Variants in DYNC2I2 observed in about 807,000 individuals in gnomAD.
DYNC2I2 encodes cytoplasmic dynein 2 intermediate chain 2.
In DYNC2I2, 39 loss-of-function variants were observed where a neutral mutation model predicts 52.0. The observed-to-expected ratio is 0.75, with a 90% CI of 0.58 to 0.98. The LOEUF is 0.98. DYNC2I2 is among the 50% of genes least tolerant of loss of function. The pLI is 0.00. For missense variants in DYNC2I2, 743 were observed against 728.4 expected (o/e 1.02, Z -0.23); for synonymous variants, 359 against 321.1 (o/e 1.12, Z -1.26).
chr9:128,638,250 G>T (rs183565995), intron 2 of DYNC2I2, among the ~76,000 whole-genome samples: 1,553 of 151,392 alleles, frequency 0.01, 27 homozygotes, highest in African/African-American at 0.034. Context: ...CAGGCCTGGT[G>T]GCTCATGCCT....
chr9:128,682,165 C>T, the DYNC2I2 span, among the ~76,000 whole-genome samples: 1 of 151,842 alleles, frequency 6.6e-6, no homozygotes, highest in African/African-American at 2.4e-5. Context: ...TCTCCTGCCT[C>T]AGCCTCCCGA....
At chr9:128,639,654 T>G (rs78489906) in intron 2 of DYNC2I2, among the ~76,000 whole-genome samples, 25,628 of 151,224 alleles carry the variant, frequency 0.17, 2,653 homozygotes, top group East Asian at 0.4. Context: ...CCTCATACAG[T>G]TTTTTTTTGT....
chr9:128,659,948 T>C (rs980451273), upstream of DYNC2I2, among the ~76,000 whole-genome samples: 10 of 150,974 alleles, frequency 6.6e-5, no homozygotes, highest in African/African-American at 2.4e-4. Context: ...CATGCATCTA[T>C]GGCCCAGTTA....
At chr9:128,667,204 AAATAAT>A in the DYNC2I2 span, among the ~76,000 whole-genome samples, 1 of 152,032 alleles carries the variant, frequency 6.6e-6, no homozygotes, top group Non-Finnish European at 1.5e-5. Context: ...ATCTCAAAAA[AAATAAT>A]AATAATAATT....
At chr9:128,642,684 G>A (rs1860540755) in intron 1 of DYNC2I2, among the ~76,000 whole-genome samples, 1 of 152,032 alleles carries the variant, frequency 6.6e-6, no homozygotes, top group African/African-American at 2.4e-5. Flanking sequence ...GAACCTGGGA[G>A]GCAGAGCTTA....
chr9:128,679,974 G>A, the DYNC2I2 span, among the ~76,000 whole-genome samples: 4 of 152,110 alleles, frequency 2.6e-5, no homozygotes, highest in Non-Finnish European at 5.9e-5. Flanking sequence ...GTCCCCTAAT[G>A]TCTCTTCCAC....
upstream of DYNC2I2, among the ~76,000 whole-genome samples, chr9:128,658,618 C>T (rs894953279): frequency 2.0e-5 from 3 of 151,738 alleles, no homozygotes; most frequent in Non-Finnish European, 2.9e-5. Context: ...ACCGCCACCA[C>T]GCCTGGCCAA....
chr9:128,680,713 C>T, the DYNC2I2 span, among the ~76,000 whole-genome samples: 2 of 151,508 alleles, frequency 1.3e-5, no homozygotes, highest in Non-Finnish European at 2.9e-5. Flanking sequence ...CTCACTCCGT[C>T]GCCCAGTCTG....
At position 128,636,356 on chromosome 9, in the gene DYNC2I2, G is replaced by A. The variant is rs1472409885; in HGVS notation, c.628C>T (p.Pro210Ser). The A allele has an allele frequency of 2.5e-6, 4 of 1,608,640 alleles. No homozygotes were observed. Among genetic ancestry groups the A allele is most frequent in the South Asian group, 1.1e-5 (1 of 90,118 alleles). ...LDRRDLRPQQPSAVVEVPSAV... is the reference protein window; with the variant it reads ...LDRRDLRPQQSSAVVEVPSAV... ...CTGGGGACCTCCACCACGGCCGACG[G>A]CTGCTGGGGACGCAGGTCTCGCCGG... The change falls in exon 4 of 9, where the codon CCG (proline) becomes TCG (serine). Residue 210 changes from proline to serine, a missense_variant. Pro to Ser is a moderately conservative substitution (Grantham distance 74, BLOSUM62 -1). Coordinates refer to ENST00000372715, the MANE Select transcript of DYNC2I2 (RefSeq NM_052844.4).
In DYNC2I2 at chr9:128,636,430, T is replaced by A. The variant is rs544202763; in HGVS notation, c.554A>T (p.His185Leu). ...GGACTTAAGCGTGCTCCAGTCCCCA[T>A]GGTCCAGCCTGTGCAGGGACAGGCT... ...VVACAYGRLDHGDWSTLKSFV... is the reference protein window; with the variant it reads ...VVACAYGRLDLGDWSTLKSFV... The change falls in exon 4 of 9, where the codon CAT (histidine) becomes CTT (leucine). Residue 185 changes from histidine to leucine, a missense_variant. By Grantham distance (99) the His-to-Leu change is moderately conservative (BLOSUM62 -3). Transcript: ENST00000372715. The A allele has an allele frequency of 3.1e-6, 5 of 1,603,886 alleles. No individual in the cohort carries two copies. Among genetic ancestry groups the A allele is most frequent in the Non-Finnish European group, 3.4e-6 (4 of 1,177,666 alleles).
chr9:128,635,664 C>T lies in DYNC2I2; in HGVS notation c.807G>A (p.Val269=), dbSNP rs753482622. 1 of 1,606,540 alleles carries T rather than the reference C, an allele frequency of 6.2e-7. No individual in the cohort carries two copies. Among genetic ancestry groups the T allele is most frequent in the African/African-American group, 1.3e-5 (1 of 74,878 alleles). ...CGGCAGCCCCTGCCCTGACCTGGGA[C>T]ACAGGGTCTGTGTGGGTGTCATCCG... The part of the protein sequence containing the change: ...GLTDDTHTDP[V]SQVVWLPEPG... Residue 269 remains valine, a synonymous_variant, in exon 5 of 9, where the codon GTG becomes GTA. Coordinates refer to ENST00000372715, the MANE Select transcript of DYNC2I2 (RefSeq NM_052844.4).
rs920736275 is a variant in DYNC2I2 at position 128,634,569 on chromosome 9, G to A, written c.1214+120C>T. On this transcript the variant is annotated intron_variant, in intron 7 of 8. Transcript: ENST00000372715. Reference sequence around the variant, plus strand: ...GGCCAACCACCAAAGACCTGAACACGGGTCTCAGAGTGGGCAGAAGGCAAG... The same window carrying A: ...GGCCAACCACCAAAGACCTGAACACAGGTCTCAGAGTGGGCAGAAGGCAAG... 1.4e-5 allele frequency: 18 copies of A among 1,282,434 alleles called. No homozygotes were observed. The East Asian group carries it at 2.3e-4, about 17-fold the overall frequency. The allele number at this position is 1,282,434 out of a possible 1,614,324, so 79.4% of individuals were successfully genotyped here.
chr9:128,677,389 A>C, the DYNC2I2 span, among the ~76,000 whole-genome samples: 1 of 152,044 alleles, frequency 6.6e-6, no homozygotes, highest in Non-Finnish European at 1.5e-5. Flanking sequence ...GGAGGCTGAG[A>C]CATGAGAATT....
chr9:128,649,434 C>A (rs1212434318), intron 1 of DYNC2I2, among the ~76,000 whole-genome samples: 1 of 151,834 alleles, frequency 6.6e-6, no homozygotes, highest in Non-Finnish European at 1.5e-5. Flanking sequence ...CAGAACCAGA[C>A]CACCAGCACT....
At chr9:128,644,864 A>G (rs942741891) in intron 1 of DYNC2I2, among the ~76,000 whole-genome samples, 2 of 152,206 alleles carry the variant, frequency 1.3e-5, no homozygotes, top group African/African-American at 4.8e-5. Context: ...TATATCTGCT[A>G]CACTGATTTG....
intron 3 of DYNC2I2, among the ~76,000 whole-genome samples, chr9:128,636,682 C>T (rs1054838978): frequency 6.6e-6 from 1 of 152,140 alleles, no homozygotes; most frequent in African/African-American, 2.4e-5. Flanking sequence ...GCTGGTGGGG[C>T]GGGCGAGGCA....
chr9:128,660,928 C>G (rs968303189), upstream of DYNC2I2, among the ~76,000 whole-genome samples: 1 of 150,956 alleles, frequency 6.6e-6, no homozygotes, highest in Non-Finnish European at 1.5e-5. Flanking sequence ...CGGGGTTTCA[C>G]CATATTGGCC....
Position 128,633,825 on chromosome 9 carries a change from C to T in DYNC2I2, c.1530G>A (p.Trp510Ter), listed in dbSNP as rs1345945256. Residue 510 changes from tryptophan (W) to a stop codon, truncating the protein, a stop_gained, in exon 9 of 9, where the codon TGG becomes TGA. Transcript: ENST00000372715. LOFTEE classifies it high-confidence loss of function. ...GTTCCGTGAACTCTGTGCTCAGCTG[C>T]CACACCTTCACTGTGCCCTGGGCAT... ...AGDAQGTVKV[W>*]QLSTEFTEQG... 3 of 1,613,532 alleles carry T rather than the reference C, an allele frequency of 1.9e-6. No homozygotes were observed. The highest frequency in any genetic ancestry group is 2.7e-5 in the African/African-American group (2 of 74,942).
In DYNC2I2 at chr9:128,634,772, G is replaced by T. The variant is rs149225851; in HGVS notation, c.1131C>A (p.Ser377=). 6.2e-7 allele frequency: 1 copy of T among 1,609,062 alleles called. No individual in the cohort carries two copies. Among genetic ancestry groups the T allele is most frequent in the Non-Finnish European group, 8.5e-7 (1 of 1,178,082 alleles). ...ACTGTGCTGGGGCCCGCAGGGGCAC[G>T]GAGCTGGGCATCCGCGTGAGGGCTG... ...GEAALTRMPS[S]VPLRAPAQFT... The change falls in exon 7 of 9, where the codon TCC becomes TCA. Residue 377 remains serine (S), a synonymous_variant. Coordinates refer to ENST00000372715, the MANE Select transcript of DYNC2I2 (RefSeq NM_052844.4).
Sources: gnomAD v4.1 joint callset for allele counts (sites outside exome capture counted in the v4.1 genomes callset) on GRCh38, gnomAD v4.1.1 for gene constraint, MANE v1.5 for transcripts, NCBI Gene and HGNC (gene_info 2026-07-23, HGNC 2026-07-21) for gene names.